Variants in BTBD1 observed in about 807,000 individuals in gnomAD.
BTBD1 encodes the protein BTB domain containing 1.
In BTBD1, 34 loss-of-function variants were observed where a neutral mutation model predicts 48.0. The ratio of observed to expected loss-of-function variants is 0.71; its 90% CI spans 0.54 to 0.94. The LOEUF is 0.94. Among genes scored for constraint, BTBD1 ranks in the 40% least tolerant of loss-of-function variants. The pLI is 0.00. For synonymous variants in BTBD1, 261 were observed against 242.1 expected, an observed-to-expected ratio of 1.08 and a Z score of -0.72; for missense variants, 543 against 625.6, an observed-to-expected ratio of 0.87 and a Z score of 1.41.
chr15:83,033,529 A>C (rs1278879212), intron 4 of BTBD1, among the ~76,000 whole-genome samples: 1 of 152,220 alleles, frequency 6.6e-6, no homozygotes, highest in Non-Finnish European at 1.5e-5. Context: ...ATATAGCAAA[A>C]GTATCAATAA....
chr15:83,051,366 T>G (rs2032977867), intron 2 of BTBD1, among the ~76,000 whole-genome samples: 1 of 151,936 alleles, frequency 6.6e-6, no homozygotes, highest in African/African-American at 2.4e-5. Context: ...CAGATACTAC[T>G]GAACAACTGA....
intron 2 of BTBD1, among the ~76,000 whole-genome samples, chr15:83,053,583 CT>C (rs1235974002): frequency 2.0e-5 from 3 of 152,046 alleles, no homozygotes; most frequent in Non-Finnish European, 2.9e-5. Flanking sequence ...TATATCTCAC[CT>C]TTAAAATAAA....
chr15:83,044,450 G>T, intron 3 of BTBD1: 1 of 1,575,378 alleles, frequency 6.3e-7, no homozygotes, highest in African/African-American at 1.3e-5. Flanking sequence ...GAGGAGGAGT[G>T]GGAACTGCTT....
intron 6 of BTBD1, among the ~76,000 whole-genome samples, chr15:83,019,211 G>C (rs563146012): frequency 6.6e-6 from 1 of 151,654 alleles, no homozygotes; most frequent in Non-Finnish European, 1.5e-5. Flanking sequence ...AGATGTGCGC[G>C]ACCACACCTG....
chr15:83,036,285 G>C (rs1357178122), intron 4 of BTBD1, among the ~76,000 whole-genome samples: 1 of 152,078 alleles, frequency 6.6e-6, no homozygotes, highest in African/African-American at 2.4e-5. Flanking sequence ...GACAAAGTCT[G>C]TCAGACTGGA....
At chr15:83,024,199 C>A (rs544379151) in intron 5 of BTBD1, 1 of 152,230 alleles carries the variant, frequency 6.6e-6, no homozygotes, top group African/African-American at 2.4e-5. Flanking sequence ...TGAGGTAAAA[C>A]ATTTGCTCAT....
rs756716238 is a variant in BTBD1, at chr15:83,047,036, A to G, written c.664+3037T>C. 1.3e-4 allele frequency among the ~76,000 whole-genome samples: 20 copies of G among 152,350 alleles called. No homozygotes were observed. In the East Asian group the frequency reaches 3.9e-3, roughly 29 times the overall value. ...ACACAGCCAGTCAGTCCAGTTAATCAACAAATATCAGCTGAACATGTACTA... is the reference window on the plus strand; with the variant it reads ...ACACAGCCAGTCAGTCCAGTTAATCGACAAATATCAGCTGAACATGTACTA... On this transcript the variant is annotated intron_variant, in intron 3 of 7. Coordinates refer to ENST00000261721, the MANE Select transcript of BTBD1 (RefSeq NM_025238.4).
intron 2 of BTBD1, among the ~76,000 whole-genome samples, chr15:83,054,525 T>C (rs575887360): frequency 5.9e-5 from 9 of 151,786 alleles, no homozygotes; most frequent in Non-Finnish European, 1.0e-4. Context: ...AAATACCTCA[T>C]GAGAGAAGAT....
chr15:83,035,411 T>G (rs1331232887), intron 4 of BTBD1, among the ~76,000 whole-genome samples: 1 of 152,060 alleles, frequency 6.6e-6, no homozygotes, highest in African/African-American at 2.4e-5. Flanking sequence ...CTGACTATAC[T>G]GGAATTAAGA....
chr15:83,067,072 G>A lies in BTBD1; in HGVS notation c.80C>T (p.Pro27Leu). 6.4e-7 allele frequency: 1 copy of A among 1,554,422 alleles called. No homozygotes were observed. Among genetic ancestry groups the A allele is most frequent in the Non-Finnish European group, 8.7e-7 (1 of 1,155,246 alleles). The change falls in exon 1 of 8, where the codon CCG becomes CTG. Residue 27 changes from proline to leucine, a missense_variant. By Grantham distance (98) the Pro-to-Leu change is moderately conservative. This residue lies in a region of BTBD1 where 173 missense variants were observed against 163.9 expected (regional missense o/e 1.06). Transcript: ENST00000261721. ...CCCCAGAGAGGACGGTGAGGGCGGC[G>A]GCGGCGGCCCCGCGGGGCCCGGCTC... ...EAEPGPAGPP[P>L]PPSPSSLGPL...
At chr15:83,066,706 C>T in intron 1 of BTBD1, 45 bp downstream of exon 1, 1 of 1,123,806 alleles carries the variant, frequency 8.9e-7, no homozygotes, top group Non-Finnish European at 1.1e-6. Flanking sequence ...CAGCCCGGCC[C>T]GGCCCGGCCC....
intron 6 of BTBD1, among the ~76,000 whole-genome samples, chr15:83,019,611 C>T (rs1338895036): frequency 2.3e-5 from 3 of 130,634 alleles, no homozygotes; most frequent in Non-Finnish European, 3.2e-5. Context: ...TTTTTTGAGA[C>T]GGAGTCTCAC....
chr15:83,058,124 A>G (rs1000811611), intron 1 of BTBD1, among the ~76,000 whole-genome samples: 21 of 152,238 alleles, frequency 1.4e-4, no homozygotes, highest in African/African-American at 5.1e-4. Context: ...TCCATGTTTT[A>G]GCACTACCTT....
rs2032207739 is a variant in BTBD1 at position 83,018,126 on chromosome 15, T to C, written c.1390A>G (p.Asn464Asp). Residue 464 changes from asparagine (N) to aspartate (D), a missense_variant, in exon 8 of 8, where the codon AAT (asparagine) becomes GAT (aspartate). By Grantham distance (23) the Asn-to-Asp change is conservative. Around this residue, in one of 3 missense-constraint regions of BTBD1, gnomAD observed 300 missense variants for 350.0 expected, o/e 0.86. Coordinates refer to ENST00000261721, the MANE Select transcript of BTBD1 (RefSeq NM_025238.4). Reference sequence around the variant, plus strand: ...TCTTCTATTGAAGTGCCATTATTATTGCCAGGGGAACTAAAAAAGAAAAAA... The same window carrying C: ...TCTTCTATTGAAGTGCCATTATTATCGCCAGGGGAACTAAAAAAGAAAAAA... ...TVFFFFSSPGNNNGTSIEDGQ... is the reference protein window; with the variant it reads ...TVFFFFSSPGDNNGTSIEDGQ... 3.7e-6 allele frequency: 6 copies of C among 1,611,694 alleles called. No individual in the cohort carries two copies. Among genetic ancestry groups the C allele is most frequent in the Non-Finnish European group, 5.1e-6 (6 of 1,178,762 alleles).
intron 4 of BTBD1, among the ~76,000 whole-genome samples, chr15:83,041,181 A>C (rs957113943): frequency 4.0e-5 from 6 of 150,742 alleles, no homozygotes; most frequent in Admixed American, 6.6e-5. Flanking sequence ...AAAAAAAAAA[A>C]GCCAAAAAGA....
intron 4 of BTBD1, 46 bp from the exon 5 acceptor site, chr15:83,030,374 A>C (rs1394440217): frequency 1.3e-6 from 2 of 1,507,462 alleles, no homozygotes. Flanking sequence ...TTTGATTTCA[A>C]TTCCTAACTT....
Position 83,059,361 on chromosome 15 carries a change from C to T in BTBD1, c.402-2816G>A, listed in dbSNP as rs186276107. On this transcript the variant is annotated intron_variant, in intron 1 of 7. Transcript: ENST00000261721. ...AGGAGTTCAAGATCAGCCTGCCCAA[C>T]CTGGTGAAACCCCGACTCTACTAAA... is the stretch of plus-strand genomic sequence containing the variant. Among the ~76,000 whole-genome samples the T allele has an allele frequency of 5.5e-3, 841 of 152,042 alleles. 5 individuals are homozygous for T. The highest frequency in any genetic ancestry group is 8.5e-3 in the Non-Finnish European group (581 of 67,978).
Position 83,017,602 on chromosome 15 carries a change from G to A in BTBD1, c.*465C>T, listed in dbSNP as rs2032195023. ...CAGCTTCTTAATTTTCTGAAATTTA[G>A]TTATTTGAGTTAATAAGAATTCTGT... On this transcript the variant is annotated 3_prime_UTR_variant, in exon 8 of 8. Coordinates refer to ENST00000261721, the MANE Select transcript of BTBD1 (RefSeq NM_025238.4). 1 of 152,538 alleles carries A rather than the reference G, an allele frequency of 6.6e-6. No homozygotes were observed. Among genetic ancestry groups the A allele is most frequent in the Non-Finnish European group, 1.5e-5 (1 of 68,028 alleles). The allele number at this position is 152,538 out of a possible 1,614,324, so 9.4% of individuals were successfully genotyped here.
At chr15:83,029,258 A>C (rs963760714) in intron 5 of BTBD1, among the ~76,000 whole-genome samples, 3 of 152,260 alleles carry the variant, frequency 2.0e-5, no homozygotes, top group African/African-American at 7.2e-5. Flanking sequence ...GTGCTATTAA[A>C]TAAATGAAAA....
Sources: allele counts gnomAD v4.1 joint callset (sites outside exome capture counted in the v4.1 genomes callset), GRCh38; gene constraint gnomAD v4.1.1; regional missense constraint gnomAD v4.1.1; transcripts MANE v1.5; gene names NCBI Gene and HGNC (gene_info 2026-07-23, HGNC 2026-07-21).